Variants in TASP1 observed in about 807,000 individuals in gnomAD.
TASP1 encodes the protein threonine aspartase 1.
A neutral mutation model predicts 56.6 loss-of-function variants in TASP1; 16 were observed. The observed-to-expected ratio is 0.28, with a 90% CI of 0.19 to 0.43. TASP1 has a LOEUF of 0.43. TASP1 is among the 20% of genes least tolerant of loss of function. TASP1 has a pLI of 1.00. For synonymous variants in TASP1, 179 were observed against 184.2 expected, an observed-to-expected ratio of 0.97 and a Z score of 0.23; for missense variants, 393 against 511.6, an observed-to-expected ratio of 0.77 and a Z score of 2.24.
chr20:13,211,707 A>C, the TASP1 span, among the ~76,000 whole-genome samples: 1 of 152,200 alleles, frequency 6.6e-6, no homozygotes, highest in East Asian at 1.9e-4. Flanking sequence ...TGACCATACC[A>C]ATCCTGACTC....
chr20:13,465,712 G>C (rs966580370), intron 11 of TASP1, among the ~76,000 whole-genome samples: 2 of 151,990 alleles, frequency 1.3e-5, no homozygotes, highest in Non-Finnish European at 2.9e-5. Flanking sequence ...ACGGAATTTT[G>C]CTGAGTATAA....
rs777748705 is a variant in TASP1 at position 13,534,072 on chromosome 20, C to T, written c.745G>A (p.Ala249Thr). The T allele has an allele frequency of 1.2e-6, 2 of 1,613,696 alleles. No homozygotes were observed. Among genetic ancestry groups the T allele is most frequent in the Non-Finnish European group, 1.7e-6 (2 of 1,179,698 alleles). The change falls in exon 9 of 14, where the codon GCT (alanine) becomes ACT (threonine). Residue 249 changes from alanine to threonine, a missense_variant. Coordinates refer to ENST00000337743, the MANE Select transcript of TASP1 (RefSeq NM_017714.3). Reference sequence around the variant, plus strand: ...AAGGCCAAGCCTCCACTGGAGACAGCAGCAGCAACATTCCCTTCGTGGTCC... The same window carrying T: ...AAGGCCAAGCCTCCACTGGAGACAGTAGCAGCAACATTCCCTTCGTGGTCC... The part of the protein sequence containing the change: ...VVDHEGNVAA[A>T]VSSGGLALKH...
the TASP1 span, among the ~76,000 whole-genome samples, chr20:13,360,851 ATC>A: frequency 1.2e-4 from 18 of 152,208 alleles, no homozygotes; most frequent in South Asian, 2.1e-4. Context: ...CCATGACTGT[ATC>A]TCTCTGATCC....
the TASP1 span, among the ~76,000 whole-genome samples, chr20:13,266,036 A>C: frequency 6.6e-6 from 1 of 152,182 alleles, no homozygotes; most frequent in African/African-American, 2.4e-5. Flanking sequence ...GAGAAAGGCA[A>C]ATGGCAAAAC....
chr20:13,236,168 C>T, the TASP1 span, among the ~76,000 whole-genome samples: 1 of 152,124 alleles, frequency 6.6e-6, no homozygotes, highest in African/African-American at 2.4e-5. Flanking sequence ...TGTGATCCAC[C>T]CACCTCGGCC....
chr20:13,279,827 A>AC, the TASP1 span: 5 of 1,613,288 alleles, frequency 3.1e-6, no homozygotes, highest in East Asian at 2.2e-5. Flanking sequence ...AACTTCCTCA[A>AC]CCCCCCCAGG....
chr20:13,610,368 C>T (rs2147431082), intron 4 of TASP1, among the ~76,000 whole-genome samples: 1 of 152,230 alleles, frequency 6.6e-6, no homozygotes, highest in African/African-American at 2.4e-5. Context: ...CAATAGAGGT[C>T]AGGACCAGTG....
chr20:13,528,949 C>A (rs907335442), intron 9 of TASP1, among the ~76,000 whole-genome samples: 1 of 152,130 alleles, frequency 6.6e-6, no homozygotes, highest in African/African-American at 2.4e-5. Flanking sequence ...GTGTCTGGGG[C>A]AGACCTAGGA....
intron 6 of TASP1, among the ~76,000 whole-genome samples, chr20:13,579,996 C>T (rs908044414): frequency 6.6e-6 from 1 of 152,212 alleles, no homozygotes; most frequent in Non-Finnish European, 1.5e-5. Context: ...CCTCCACAAC[C>T]AGGCATGCTG....
chr20:13,155,182 T>C, the TASP1 span, among the ~76,000 whole-genome samples: 7 of 151,052 alleles, frequency 4.6e-5, no homozygotes, highest in Non-Finnish European at 1.0e-4. Context: ...AATGAGACCC[T>C]GTCAAAAAAA....
chr20:13,414,119 A>T (rs1019761175), intron 13 of TASP1, among the ~76,000 whole-genome samples: 1 of 152,200 alleles, frequency 6.6e-6, no homozygotes, highest in African/African-American at 2.4e-5. Flanking sequence ...TAGTTGTCAC[A>T]TCTCTTTAGA....
chr20:13,438,198 T>A (rs916400611), intron 11 of TASP1, among the ~76,000 whole-genome samples: 9 of 152,204 alleles, frequency 5.9e-5, no homozygotes, highest in Middle Eastern at 3.4e-3. Flanking sequence ...CATTGCCAAG[T>A]CAATCCTAAG....
At chr20:13,369,381 G>C in the TASP1 span, among the ~76,000 whole-genome samples, 2 of 152,192 alleles carry the variant, frequency 1.3e-5, no homozygotes, top group African/African-American at 4.8e-5. Flanking sequence ...AGGAGGTGGA[G>C]GTTGCAGTGA....
At chr20:13,550,727 C>T (rs889753930) in intron 8 of TASP1, among the ~76,000 whole-genome samples, 1 of 152,044 alleles carries the variant, frequency 6.6e-6, no homozygotes, top group African/African-American at 2.4e-5. Flanking sequence ...CTCTAAGAGT[C>T]CCTTCCAGTC....
At chr20:13,433,768 C>T (rs940052310) in intron 12 of TASP1, among the ~76,000 whole-genome samples, 7 of 150,430 alleles carry the variant, frequency 4.7e-5, no homozygotes, top group East Asian at 1.9e-4. Context: ...GCACCACTCA[C>T]GCTTTCTGTA....
intron 11 of TASP1, among the ~76,000 whole-genome samples, chr20:13,463,021 C>T (rs948623327): frequency 6.6e-6 from 1 of 151,996 alleles, no homozygotes; most frequent in African/African-American, 2.4e-5. Flanking sequence ...AAACACCCAT[C>T]CAAAAATTTA....
At chr20:13,562,326 T>C (rs1382995599) in intron 7 of TASP1, among the ~76,000 whole-genome samples, 1 of 152,004 alleles carries the variant, frequency 6.6e-6, no homozygotes, top group Non-Finnish European at 1.5e-5. Flanking sequence ...AACAACAACC[T>C]AGCTTTAAAA....
intron 13 of TASP1, among the ~76,000 whole-genome samples, chr20:13,394,754 C>T (rs1041535390): frequency 3.9e-5 from 6 of 152,028 alleles, no homozygotes; most frequent in African/African-American, 1.2e-4. Context: ...ATCCACTGGC[C>T]GTGTAGTTAT....
At chr20:13,476,013 G>A (rs1600924644) in intron 11 of TASP1, among the ~76,000 whole-genome samples, 1 of 152,120 alleles carries the variant, frequency 6.6e-6, no homozygotes, top group Non-Finnish European at 1.5e-5. Context: ...CAGCTACTTG[G>A]GAGGCTGAGG....
Sources: allele counts gnomAD v4.1 joint callset (sites outside exome capture counted in the v4.1 genomes callset), GRCh38; gene constraint gnomAD v4.1.1; transcripts MANE v1.5; gene names NCBI Gene and HGNC (gene_info 2026-07-23, HGNC 2026-07-21).